WDFY4: variants seen among roughly 807,000 people sequenced by gnomAD.
WDFY4 encodes WDFY family member 4, also known as WD repeat- and FYVE domain-containing protein 4.
A neutral mutation model predicts 351.9 loss-of-function variants in WDFY4; 169 were observed. The ratio of observed to expected loss-of-function variants is 0.48; its 90% CI spans 0.42 to 0.55. WDFY4 has a LOEUF of 0.55. WDFY4 is among the 20% of genes least tolerant of loss of function. The probability of loss-of-function intolerance (pLI) is 0.00; values close to 1 mark genes in which losing one functional copy is unlikely to be tolerated. For missense variants in WDFY4, 3,803 were observed against 3,935.6 expected (o/e 0.97, Z 0.90); for synonymous variants, 1,622 against 1,574.6 (o/e 1.03, Z -0.71).
chr10:48,979,443 C>T (rs1304722722), intron 60 of WDFY4, among the ~76,000 whole-genome samples: 1 of 152,222 alleles, frequency 6.6e-6, no homozygotes, highest in Non-Finnish European at 1.5e-5. Context: ...TAGTTTTGGG[C>T]TCAAATGCCC....
intron 40 of WDFY4, among the ~76,000 whole-genome samples, chr10:48,870,941 C>CT (rs35914987): frequency 0.013 from 1,999 of 148,692 alleles, 33 homozygotes; most frequent in African/African-American, 0.041. Flanking sequence ...GATATGCGTT[C>CT]TTTTTTTTTT....
intron 47 of WDFY4, among the ~76,000 whole-genome samples, chr10:48,932,226 G>A (rs924628692): frequency 1.3e-5 from 2 of 152,164 alleles, no homozygotes; most frequent in African/African-American, 4.8e-5. Context: ...CACCAGTGGC[G>A]GGTGCTGGTG....
Position 48,969,227 on chromosome 10 carries a change from G to T in WDFY4, c.8748G>T (p.Leu2916Phe). ...SWGFDDFSCCLGSYGSDKVLM... is the reference protein window; with the variant it reads ...SWGFDDFSCCFGSYGSDKVLM... Reference sequence around the variant, plus strand: ...GCTTTGATGACTTCAGCTGCTGCTTGGGGAGCTACGGCTCCGACAAGGTGA... The same window carrying T: ...GCTTTGATGACTTCAGCTGCTGCTTTGGGAGCTACGGCTCCGACAAGGTGA... The change falls in exon 56 of 62, where the codon TTG (leucine) becomes TTT (phenylalanine). Residue 2916 changes from leucine (L) to phenylalanine (F), a missense_variant. By Grantham distance (22) the Leu-to-Phe change is conservative (BLOSUM62 0). Transcript: ENST00000325239. The T allele has an allele frequency of 6.4e-6, 10 of 1,551,424 alleles. No homozygotes were observed. Among genetic ancestry groups the T allele is most frequent in the Non-Finnish European group, 8.7e-6 (10 of 1,146,920 alleles).
At chr10:48,945,201 C>A (rs957399503) in intron 49 of WDFY4, among the ~76,000 whole-genome samples, 3 of 152,110 alleles carry the variant, frequency 2.0e-5, no homozygotes, top group African/African-American at 7.2e-5. Context: ...CATAGTGAGA[C>A]CCTGTCTCTA....
At position 48,873,780 on chromosome 10, in the gene WDFY4, T is replaced by A. The variant is rs1397801017; in HGVS notation, c.6948+83T>A. 4.2e-6 allele frequency: 6 copies of A among 1,434,120 alleles called. No individual in the cohort carries two copies. In the East Asian group the frequency reaches 1.5e-4, roughly 36 times the overall value. 88.8% of individuals were successfully genotyped at this position (1,434,120 alleles called of 1,614,324 possible). A position where few individuals can be genotyped will look rare whatever the true frequency, so the allele number is the denominator to read the frequency against. On this transcript the variant is annotated intron_variant, in intron 41 of 61. Coordinates refer to ENST00000325239, the MANE Select transcript of WDFY4 (RefSeq NM_001394531.1). Reference sequence around the variant, plus strand: ...AGCTCCTGAGCTTCCCCATCACATGTTGTTTATATCAGGCTAAGATAACAC... The same window carrying A: ...AGCTCCTGAGCTTCCCCATCACATGATGTTTATATCAGGCTAAGATAACAC...
rs1416139925 is a variant in WDFY4, at chr10:48,941,838, A to G, written c.7619A>G (p.Gln2540Arg). The G allele has an allele frequency of 2.6e-6, 4 of 1,552,108 alleles. No homozygotes were observed. Among genetic ancestry groups the G allele is most frequent in the Non-Finnish European group, 3.5e-6 (4 of 1,147,112 alleles). ...CCCGGCTCTGACAGGATCATGCTGC[A>G]GAAGTGGCAGGTACAGTAGCTCCTC... ...RYPGSDRIML[Q>R]KWQKRDISNF... Residue 2540 changes from glutamine to arginine, a missense_variant, in exon 48 of 62, where the codon CAG becomes CGG. Around this residue, in one of 3 missense-constraint regions of WDFY4, gnomAD observed 3,054 missense variants for 3,148.6 expected, o/e 0.97. Transcript: ENST00000325239.
chr10:48,724,452 A>G (rs1240404354), intron 5 of WDFY4, among the ~76,000 whole-genome samples: 1 of 152,050 alleles, frequency 6.6e-6, no homozygotes, highest in Non-Finnish European at 1.5e-5. Context: ...GCATTTGTGG[A>G]AATGTAGGTG....
At chr10:48,872,936 C>G (rs1437561964) in intron 40 of WDFY4, among the ~76,000 whole-genome samples, 1 of 152,210 alleles carries the variant, frequency 6.6e-6, no homozygotes, top group Non-Finnish European at 1.5e-5. Flanking sequence ...CAGGCCAGGT[C>G]TGTCATTTCG....
chr10:48,818,605 AG>A (rs1254334136), intron 32 of WDFY4, among the ~76,000 whole-genome samples: 1 of 152,192 alleles, frequency 6.6e-6, no homozygotes, highest in Admixed American at 6.5e-5. Flanking sequence ...CAAGAGACGG[AG>A]CCAAAGTTTA....
intron 54 of WDFY4, among the ~76,000 whole-genome samples, chr10:48,964,943 C>T (rs1157840558): frequency 6.6e-6 from 1 of 152,116 alleles, no homozygotes; most frequent in African/African-American, 2.4e-5. Context: ...TCTCACATGA[C>T]ATGCTGAGGT....
intron 43 of WDFY4, among the ~76,000 whole-genome samples, chr10:48,880,706 C>T (rs368005241): frequency 1.5e-3 from 227 of 152,342 alleles, no homozygotes; most frequent in Middle Eastern, 0.01. Flanking sequence ...TGACCCTTGC[C>T]ATTATCTAGG....
At chr10:48,733,847 A>G (rs1440112220) in intron 9 of WDFY4, 84 bp from the exon 10 acceptor site, 1 of 1,207,266 alleles carries the variant, frequency 8.3e-7, no homozygotes, top group East Asian at 2.5e-5. Flanking sequence ...CATCTCCTTA[A>G]GAGGATAGAA....
chr10:48,858,552 C>T (rs1231572759), intron 39 of WDFY4, among the ~76,000 whole-genome samples: 2 of 152,320 alleles, frequency 1.3e-5, no homozygotes, highest in East Asian at 3.9e-4. Flanking sequence ...TTCTGTTCCA[C>T]TGATCTATAT....
intron 13 of WDFY4, among the ~76,000 whole-genome samples, chr10:48,769,226 C>T (rs2065779989): frequency 6.6e-6 from 1 of 152,184 alleles, no homozygotes; most frequent in South Asian, 2.1e-4. Flanking sequence ...GAATCTCTTA[C>T]ACCTAAACCA....
intron 31 of WDFY4, among the ~76,000 whole-genome samples, chr10:48,816,536 A>T (rs1448263495): frequency 6.6e-6 from 1 of 152,156 alleles, no homozygotes; most frequent in Non-Finnish European, 1.5e-5. Context: ...CAAGAAATTT[A>T]TTCATGGTTT....
chr10:48,880,136 T>C (rs1589802849), intron 43 of WDFY4, among the ~76,000 whole-genome samples: 1 of 152,270 alleles, frequency 6.6e-6, no homozygotes, highest in East Asian at 1.9e-4. Context: ...TAGGAGAGCC[T>C]TTGTAGGTGG....
At chr10:48,700,933 A>G (rs919363091) in intron 1 of WDFY4, among the ~76,000 whole-genome samples, 8 of 152,276 alleles carry the variant, frequency 5.3e-5, no homozygotes, top group Admixed American at 1.3e-4. Context: ...GTAACATAAC[A>G]TAAGATTCAC....
At chr10:48,942,507 T>A in intron 48 of WDFY4, among the ~76,000 whole-genome samples, 1 of 152,190 alleles carries the variant, frequency 6.6e-6, no homozygotes, top group East Asian at 1.9e-4. Flanking sequence ...AGAGCATGGG[T>A]GTCAATTCTT....
At chr10:48,848,220 G>T (rs1366509704) in intron 39 of WDFY4, among the ~76,000 whole-genome samples, 2 of 152,150 alleles carry the variant, frequency 1.3e-5, no homozygotes, top group Non-Finnish European at 2.9e-5. Context: ...CATTTTCTGG[G>T]CTCACATAAG....
Sources: allele counts gnomAD v4.1 joint callset (sites outside exome capture counted in the v4.1 genomes callset), GRCh38; gene constraint gnomAD v4.1.1; regional missense constraint gnomAD v4.1.1; transcripts MANE v1.5; gene names NCBI Gene and HGNC (gene_info 2026-07-23, HGNC 2026-07-21).